The following UBR2 variants were observed in gnomAD, a reference collection of about 807,000 sequenced individuals.
The protein encoded by UBR2 is E3 ubiquitin-protein ligase UBR2.
In UBR2, 92 loss-of-function variants were observed where a neutral mutation model predicts 247.9. That is an observed-to-expected ratio of 0.37 (90% CI 0.31 to 0.44). The LOEUF (loss-of-function observed/expected upper bound fraction) is 0.44, where lower values mean the gene tolerates loss of function less well. Ranked by LOEUF, UBR2 falls within the 20% of genes least tolerant of loss-of-function variation. The pLI is 1.00. For synonymous variants in UBR2, 672 were observed against 693.5 expected, an observed-to-expected ratio of 0.97 and a Z score of 0.49; for missense variants, 1,613 against 2,112.6, an observed-to-expected ratio of 0.76 and a Z score of 4.64.
At chr6:42,578,442 T>C in intron 2 of UBR2, among the ~76,000 whole-genome samples, 1 of 152,108 alleles carries the variant, frequency 6.6e-6, no homozygotes, top group East Asian at 1.9e-4. Context: ...TTCTCCTAAG[T>C]CTCAGGGATA....
chr6:42,616,502 A>AT (rs981547252), intron 10 of UBR2, among the ~76,000 whole-genome samples: 8 of 150,954 alleles, frequency 5.3e-5, no homozygotes, highest in African/African-American at 7.3e-5. Context: ...AAAAAAATAG[A>AT]TTTTTTTTTG....
chr6:42,654,297 GAA>G (rs1383909882), intron 25 of UBR2, among the ~76,000 whole-genome samples: 1 of 152,206 alleles, frequency 6.6e-6, no homozygotes, highest in Admixed American at 6.5e-5. Context: ...ATAATGGAGA[GAA>G]GAGGTGTGAA....
chr6:42,646,816 T>TAGAG (rs1206509553), intron 21 of UBR2, among the ~76,000 whole-genome samples: 2 of 148,908 alleles, frequency 1.3e-5, no homozygotes, highest in East Asian at 2.0e-4. Flanking sequence ...TTTATATATA[T>TAGAG]ATATAGAGAG....
intron 2 of UBR2, among the ~76,000 whole-genome samples, chr6:42,588,676 C>T (rs911684083): frequency 6.6e-6 from 1 of 152,080 alleles, no homozygotes; most frequent in South Asian, 2.1e-4. Context: ...CAAGAAACAA[C>T]AACAACAACA....
At chr6:42,661,332 C>T (rs1014540618) in intron 30 of UBR2, among the ~76,000 whole-genome samples, 4 of 151,888 alleles carry the variant, frequency 2.6e-5, no homozygotes, top group African/African-American at 9.7e-5. Flanking sequence ...AATTTCATTC[C>T]AGGCCAAAGA....
intron 8 of UBR2, among the ~76,000 whole-genome samples, chr6:42,614,271 C>A (rs1345472322): frequency 7.1e-6 from 1 of 141,584 alleles, no homozygotes; most frequent in Non-Finnish European, 1.5e-5. Context: ...TACACACACA[C>A]GTACATATAT....
chr6:42,625,327 A>T (rs1474092925), intron 11 of UBR2, among the ~76,000 whole-genome samples: 1 of 152,198 alleles, frequency 6.6e-6, no homozygotes, highest in African/African-American at 2.4e-5. Flanking sequence ...CATTGATTTA[A>T]ATGACACCTA....
rs772254932 is a variant in UBR2, at chr6:42,651,978, T to G, written c.2566-45T>G. On this transcript the variant is annotated intron_variant, in intron 23 of 46. Coordinates refer to ENST00000372901, the MANE Select transcript of UBR2 (RefSeq NM_001363705.2). ...TATAAAAATTAACCAGGTGTGGTGG[T>G]GGGCATTACTAATTCCCGGTCCAAA... 3.9e-6 allele frequency: 6 copies of G among 1,533,430 alleles called. No homozygotes were observed. In the Admixed American group the frequency reaches 1.3e-4, roughly 32 times the overall value. The allele number at this position is 1,533,430 out of a possible 1,614,324, so 95.0% of individuals were successfully genotyped here. A position where few individuals can be genotyped will look rare whatever the true frequency, so the allele number is the denominator to read the frequency against.
chr6:42,589,405 G>A (rs995914129), intron 2 of UBR2, among the ~76,000 whole-genome samples: 4 of 152,108 alleles, frequency 2.6e-5, no homozygotes, highest in African/African-American at 4.8e-5. Context: ...CTTTTTATAC[G>A]TTGTTGGATT....
Position 42,612,365 on chromosome 6 carries a change from A to G in UBR2, c.985+74A>G, listed in dbSNP as rs1582529039. Reference sequence around the variant, plus strand: ...TATGCTGTTGCAAAACTGTTTTGGGAAAACTATCAACTGGAATAATTTCCT... The same window carrying G: ...TATGCTGTTGCAAAACTGTTTTGGGGAAACTATCAACTGGAATAATTTCCT... On this transcript the variant is annotated intron_variant, in intron 8 of 46. Coordinates refer to ENST00000372901, the MANE Select transcript of UBR2 (RefSeq NM_001363705.2). 3.7e-6 allele frequency: 5 copies of G among 1,348,894 alleles called. No homozygotes were observed. In the East Asian group the frequency reaches 1.3e-4, roughly 35 times the overall value. 83.6% of individuals were successfully genotyped at this position (1,348,894 alleles called of 1,614,324 possible).
At chr6:42,645,059 G>A (rs1185554577) in intron 20 of UBR2, among the ~76,000 whole-genome samples, 1 of 152,010 alleles carries the variant, frequency 6.6e-6, no homozygotes, top group Non-Finnish European at 1.5e-5. Context: ...CCTGGCTACT[G>A]TCAGGAGATG....
At chr6:42,652,714 A>G in intron 25 of UBR2, 69 bp downstream of exon 25, 1 of 1,413,074 alleles carries the variant, frequency 7.1e-7, no homozygotes, top group East Asian at 2.6e-5. Flanking sequence ...TCTTGTCTGT[A>G]TCTATACACA....
chr6:42,643,977 T>A (rs1796593324), intron 18 of UBR2, among the ~76,000 whole-genome samples: 1 of 152,194 alleles, frequency 6.6e-6, no homozygotes, highest in Non-Finnish European at 1.5e-5. Flanking sequence ...GGCTTAGGTT[T>A]GGGGCTTGTT....
Position 42,688,279 on chromosome 6 carries a change from G to A in UBR2, c.4917G>A (p.Leu1639=), listed in dbSNP as rs1253157333. 2 of 1,614,154 alleles carry A rather than the reference G, an allele frequency of 1.2e-6. No individual in the cohort carries two copies. The highest frequency in any genetic ancestry group is 1.7e-6 in the Non-Finnish European group (2 of 1,180,044). The change falls in exon 45 of 47, where the codon CTG becomes CTA. Residue 1639 remains leucine (L), a synonymous_variant. Coordinates refer to ENST00000372901, the MANE Select transcript of UBR2 (RefSeq NM_001363705.2). ...APTLCLVCGS[L]LCSQSYCCQT... is the part of the protein sequence containing the mutation. Reference sequence around the variant, plus strand: ...CTCTGTGCCTTGTGTGCGGATCTCTGCTGTGCTCCCAGAGTTACTGCTGCC... The same window carrying A: ...CTCTGTGCCTTGTGTGCGGATCTCTACTGTGCTCCCAGAGTTACTGCTGCC...
At position 42,645,637 on chromosome 6, in the gene UBR2, G is replaced by C; in HGVS notation, c.2409+47G>C. ...AAGAAAACCATAGAAACTTTTCCCT[G>C]CCTATCAGTCTAGTATCTATAGATT... On this transcript the variant is annotated intron_variant, in intron 21 of 46. Coordinates refer to ENST00000372901, the MANE Select transcript of UBR2 (RefSeq NM_001363705.2). 4 of 1,590,274 alleles carry C rather than the reference G, an allele frequency of 2.5e-6. No homozygotes were observed. The East Asian group carries it at 8.9e-5, about 36-fold the overall frequency.
At chr6:42,593,876 C>T (rs892311244) in intron 3 of UBR2, among the ~76,000 whole-genome samples, 5 of 152,138 alleles carry the variant, frequency 3.3e-5, no homozygotes, top group Admixed American at 2.0e-4. Flanking sequence ...GCGTAGATAT[C>T]AGCATTATAC....
intron 10 of UBR2, 185 bp from the exon 11 acceptor site, chr6:42,617,224 C>A (rs1214388138): frequency 3.7e-6 from 6 of 1,611,818 alleles, no homozygotes; most frequent in Non-Finnish European, 5.1e-6. Flanking sequence ...AGGTGAATCT[C>A]CCCCTTGTTG....
intron 11 of UBR2, among the ~76,000 whole-genome samples, chr6:42,623,048 T>C (rs1010098351): frequency 6.6e-6 from 1 of 152,276 alleles, no homozygotes; most frequent in East Asian, 1.9e-4. Context: ...TTAGTTCTTA[T>C]TTTGAATATT....
intron 40 of UBR2, among the ~76,000 whole-genome samples, chr6:42,677,650 G>A (rs1798791067): frequency 6.6e-6 from 1 of 152,058 alleles, no homozygotes; most frequent in Non-Finnish European, 1.5e-5. Context: ...ATGGTAGCAT[G>A]TGCCTGTGGT....
Sources: gnomAD v4.1 joint callset for allele counts (sites outside exome capture counted in the v4.1 genomes callset) on GRCh38, gnomAD v4.1.1 for gene constraint, MANE v1.5 for transcripts, NCBI Gene and HGNC (gene_info 2026-07-23, HGNC 2026-07-21) for gene names.